Variants in MUC4 observed in about 807,000 individuals in gnomAD.
The protein encoded by MUC4 is mucin 4, cell surface associated.
Under a neutral mutation model 257.9 loss-of-function variants are expected in MUC4, and 202 were observed. That is an observed-to-expected ratio of 0.78 (90% CI 0.70 to 0.88). MUC4 has a LOEUF of 0.88. Among genes scored for constraint, MUC4 ranks in the 40% least tolerant of loss-of-function variants. MUC4 has a pLI of 0.00. For missense variants in MUC4, 5,976 were observed against 6,513.7 expected, an observed-to-expected ratio of 0.92 and a Z score of 2.84; for synonymous variants, 2,351 against 2,757.1, an observed-to-expected ratio of 0.85 and a Z score of 4.62.
At chr3:195,763,018 G>C in intron 12 of MUC4, 73 bp from the exon 13 acceptor site, 2 of 1,266,340 alleles carry the variant, frequency 1.6e-6, no homozygotes, top group Non-Finnish European at 2.2e-6. Flanking sequence ...AGCTGGGAGA[G>C]CCCCTGGGGC....
chr3:195,770,684 A>G (rs901138830), intron 5 of MUC4: 2 of 455,058 alleles, frequency 4.4e-6, no homozygotes, highest in Non-Finnish European at 8.2e-6. Flanking sequence ...TTACCTCCCC[A>G]TGCCTAATCT....
chr3:195,806,662 T>C (rs533031120), intron 1 of MUC4, among the ~76,000 whole-genome samples: 1 of 152,326 alleles, frequency 6.6e-6, no homozygotes, highest in East Asian at 1.9e-4. Flanking sequence ...ATGCTTCTGT[T>C]CTTCCCTCCG....
chr3:195,777,855 C>T (rs1197992240), intron 3 of MUC4, among the ~76,000 whole-genome samples: 6 of 103,002 alleles, frequency 5.8e-5, no homozygotes, highest in African/African-American at 2.7e-4. Flanking sequence ...CCTTCCACAC[C>T]CATACCTTCC....
chr3:195,762,972 G>A lies in MUC4; in HGVS notation c.14254-27C>T, dbSNP rs1222408302. The A allele has an allele frequency of 1.0e-5, 15 of 1,504,826 alleles. No individual in the cohort carries two copies. The Middle Eastern group carries it at 6.8e-4, about 68-fold the overall frequency. The allele number at this position is 1,504,826 out of a possible 1,614,324, so 93.2% of individuals were successfully genotyped here. A position where few individuals can be genotyped will look rare whatever the true frequency, so the allele number is the denominator to read the frequency against. ...TGGAAGGAGATGGGAGGGGGCCTGA[G>A]CCCGACCCGCAGGTGGAGCCGACGC... On this transcript the variant is annotated intron_variant, in intron 12 of 24. Transcript: ENST00000463781.
intron 4 of MUC4, among the ~76,000 whole-genome samples, chr3:195,773,160 CTCTCT>C (rs1723495859): frequency 6.7e-6 from 1 of 148,502 alleles, no homozygotes; most frequent in Non-Finnish European, 1.5e-5. Context: ...TGTAGACACC[CTCTCT>C]CCATCGCTCA....
chr3:195,772,382 ATCGC>A, intron 4 of MUC4, among the ~76,000 whole-genome samples: 2 of 129,690 alleles, frequency 1.5e-5, no homozygotes, highest in Admixed American at 8.0e-5. Context: ...CCCTCCCTTC[ATCGC>A]TCAGGGGTGT....
rs1215807828 is a variant in MUC4 at position 195,780,875 on chromosome 3, G to C, written c.10705C>G (p.Leu3569Val). 1.3e-6 allele frequency: 2 copies of C among 1,492,238 alleles called. No homozygotes were observed. The highest frequency in any genetic ancestry group is 1.8e-6 in the Non-Finnish European group (2 of 1,112,042). 92.4% of individuals were successfully genotyped at this position (1,492,238 alleles called of 1,614,324 possible). The stretch of plus-strand genomic sequence containing the variant: ...ACTGAGGAAAGGCTGGTGACAGGAA[G>C]AGGGGTGGCCTGACCTGTGGATGCC... ...SSASTGQATP[L>V]PVTSLSSVST... is the part of the protein sequence containing the mutation. Residue 3569 changes from leucine to valine, a missense_variant, in exon 2 of 25, where the codon CTT becomes GTT. Physicochemically the swap from Leu to Val is conservative, Grantham distance 32 (BLOSUM62 1). Around this residue, in one of 44 missense-constraint regions of MUC4, gnomAD observed 59 missense variants for 149.8 expected, o/e 0.39. Transcript: ENST00000463781.
intron 7 of MUC4, among the ~76,000 whole-genome samples, chr3:195,767,663 C>CCAT (rs1239956351): frequency 1.6e-5 from 1 of 62,446 alleles, no homozygotes; most frequent in Non-Finnish European, 2.7e-5. Flanking sequence ...ACCACCACCA[C>CCAT]CATCACCATC....
At position 195,752,414 on chromosome 3, in the gene MUC4, T is replaced by C; in HGVS notation, c.15541A>G (p.Ser5181Gly). 6.2e-7 allele frequency: 1 copy of C among 1,614,048 alleles called. No homozygotes were observed. Among genetic ancestry groups the C allele is most frequent in the Non-Finnish European group, 8.5e-7 (1 of 1,179,876 alleles). The change falls in exon 21 of 25, where the codon AGT becomes GGT. Residue 5181 changes from serine to glycine, a missense_variant. Coordinates refer to ENST00000463781, the MANE Select transcript of MUC4 (RefSeq NM_018406.7). ...GCCATGGAGGCATTTTCCTCTTCAC[T>C]GAGCAAGAGCTGGATGACTCTTAAG... ...LPLRVIQLLL[S>G]EEENASMAEV...
In MUC4 at chr3:195,780,621, G is replaced by A. The variant is rs776343959; in HGVS notation, c.10959C>T (p.Asp3653=). 1.5e-5 allele frequency: 22 copies of A among 1,436,718 alleles called. No homozygotes were observed. The highest frequency in any genetic ancestry group is 2.7e-5 in the African/African-American group (1 of 36,578). 89.0% of individuals were successfully genotyped at this position (1,436,718 alleles called of 1,614,324 possible). ...TGDTTPLLVT[D]ASSVSTGHAT... ...CGTGACCTGTGGATACTGAGGAAGCGTCGGTGACAAGAAGAGGGGTGGTGT... is the reference window on the plus strand; with the variant it reads ...CGTGACCTGTGGATACTGAGGAAGCATCGGTGACAAGAAGAGGGGTGGTGT... Residue 3653 remains aspartate (D), a synonymous_variant, in exon 2 of 25, where the codon GAC becomes GAT. Transcript: ENST00000463781.
chr3:195,782,601 A>T lies in MUC4; in HGVS notation c.8979T>A (p.Leu2993=). Residue 2993 remains leucine (L), a synonymous_variant, in exon 2 of 25, where the codon CTT becomes CTA. Transcript: ENST00000463781. The part of the protein sequence containing the change: ...SSASTGHATL[L]PVTDTSSASI... ...ATGCTGAGGAAGTGTCGGTGACAGG[A>T]AGAAGGGTGGCGTGACCTGTGGATG... is the stretch of plus-strand genomic sequence containing the variant. 2 of 922,104 alleles carry T rather than the reference A, an allele frequency of 2.2e-6. No individual in the cohort carries two copies. Among genetic ancestry groups the T allele is most frequent in the Non-Finnish European group, 3.1e-6 (2 of 651,686 alleles). 57.1% of individuals were successfully genotyped at this position (922,104 alleles called of 1,614,324 possible). A position where few individuals can be genotyped will look rare whatever the true frequency, so the allele number is the denominator to read the frequency against.
Position 195,755,560 on chromosome 3 carries a change from A to G in MUC4, c.15169-1188T>C, listed in dbSNP as rs1478664937. On this transcript the variant is annotated intron_variant, in intron 18 of 24. Transcript: ENST00000463781. This position sits in a 1 kb window ranked among gnomAD's most constrained non-coding sequence, Gnocchi z 5.0. ...CCTGCTGAGCACTGTGAGAAAACACAGCAGCCAGTACAGCAGCTCAGCAAA... is the reference window on the plus strand; with the variant it reads ...CCTGCTGAGCACTGTGAGAAAACACGGCAGCCAGTACAGCAGCTCAGCAAA... Among the ~76,000 whole-genome samples, 1 of 152,096 alleles carries G rather than the reference A, an allele frequency of 6.6e-6. No individual in the cohort carries two copies. Among genetic ancestry groups the G allele is most frequent in the African/African-American group, 2.4e-5 (1 of 41,424 alleles).
chr3:195,805,842 G>A (rs547504374), intron 1 of MUC4, among the ~76,000 whole-genome samples: 2 of 152,136 alleles, frequency 1.3e-5, no homozygotes, highest in South Asian at 2.1e-4. Flanking sequence ...TGGGCCGGGC[G>A]CAGTGGCTCA....
chr3:195,784,985 A>C lies in MUC4; in HGVS notation c.6595T>G (p.Ser2199Ala), dbSNP rs1490930176. The C allele has an allele frequency of 6.7e-7, 1 of 1,489,676 alleles. No individual in the cohort carries two copies. The highest frequency in any genetic ancestry group is 1.5e-5 in the African/African-American group (1 of 67,070). 92.3% of individuals were successfully genotyped at this position (1,489,676 alleles called of 1,614,324 possible). A position where few individuals can be genotyped will look rare whatever the true frequency, so the allele number is the denominator to read the frequency against. Residue 2199 changes from serine to alanine, a missense_variant, in exon 2 of 25, where the codon TCC (serine) becomes GCC (alanine). Coordinates refer to ENST00000463781, the MANE Select transcript of MUC4 (RefSeq NM_018406.7). ...GTGGCCTGACCTGTGGATGCTGAGG[A>C]AGTGTCGGTGACAGGAAGAGGGGTG... ...HATPLPVTDT[S>A]SASTGQATPL...
At chr3:195,792,887 A>C (rs977315059) in intron 1 of MUC4, among the ~76,000 whole-genome samples, 5 of 152,196 alleles carry the variant, frequency 3.3e-5, no homozygotes, top group Admixed American at 2.0e-4. Context: ...GGGGAACAGA[A>C]AACCAAACAC....
chr3:195,806,754 G>A (rs1736038521), intron 1 of MUC4, among the ~76,000 whole-genome samples: 1 of 152,226 alleles, frequency 6.6e-6, no homozygotes, highest in South Asian at 2.1e-4. Context: ...AGTCCCAGCT[G>A]CCTCACTTAT....
At position 195,810,562 on chromosome 3, in the gene MUC4, C is replaced by T. The variant is rs1189331488; in HGVS notation, c.82+1174G>A. ...ACACGGAGGAGCCCAAGGCCAATGCCGGGGCTACGAGCCCCAGGCAAGGCC... is the reference window on the plus strand; with the variant it reads ...ACACGGAGGAGCCCAAGGCCAATGCTGGGGCTACGAGCCCCAGGCAAGGCC... On this transcript the variant is annotated intron_variant, in intron 1 of 24. Transcript: ENST00000463781. This position sits in a 1 kb window ranked among gnomAD's most constrained non-coding sequence, Gnocchi z 4.2. 6.6e-6 allele frequency among the ~76,000 whole-genome samples: 1 copy of T among 152,028 alleles called. No homozygotes were observed. Among genetic ancestry groups the T allele is most frequent in the Non-Finnish European group, 1.5e-5 (1 of 67,990 alleles).
At chr3:195,751,293 G>A (rs761071834) in intron 21 of MUC4, 22 bp from the exon 22 acceptor site, 2 of 1,579,012 alleles carry the variant, frequency 1.3e-6, no homozygotes, top group Middle Eastern at 1.7e-4. Flanking sequence ...GATGGCAGAT[G>A]GGGGTGGGGG....
chr3:195,796,094 TA>T (rs2149054718), intron 1 of MUC4, among the ~76,000 whole-genome samples: 1 of 152,260 alleles, frequency 6.6e-6, no homozygotes, highest in African/African-American at 2.4e-5. Context: ...TTTATTTATT[TA>T]TTTTTTTGAA....
Sources: gnomAD v4.1 joint callset for allele counts (sites outside exome capture counted in the v4.1 genomes callset) on GRCh38, gnomAD v4.1.1 for gene constraint, gnomAD v4.1.1 regional missense constraint, Gnocchi (gnomAD v3.1) non-coding constraint, MANE v1.5 for transcripts, NCBI Gene and HGNC (gene_info 2026-07-23, HGNC 2026-07-21) for gene names.